BICD1: variants seen among roughly 807,000 people sequenced by gnomAD.
BICD1 encodes the protein BICD cargo adaptor 1, also known as protein bicaudal D homolog 1.
In BICD1, 35 loss-of-function variants were observed where a neutral mutation model predicts 92.5. The ratio of observed to expected loss-of-function variants is 0.38; its 90% confidence interval spans 0.29 to 0.50. The LOEUF is 0.50. Among genes scored for constraint, BICD1 ranks in the 20% least tolerant of loss-of-function variants. The probability of loss-of-function intolerance (pLI) is 0.93; values close to 1 mark genes in which losing one functional copy is unlikely to be tolerated. For synonymous variants in BICD1, 429 were observed against 465.1 expected (o/e 0.92, Z 1.00); for missense variants, 950 against 1,189.8 (o/e 0.80, Z 2.97).
chr12:32,226,612 G>A (rs1434184971), intron 2 of BICD1, among the ~76,000 whole-genome samples: 1 of 152,156 alleles, frequency 6.6e-6, no homozygotes, highest in African/African-American at 2.4e-5. Context: ...CAGGCTGAGT[G>A]GCCAGCAGGC....
At chr12:32,195,014 C>T (rs187644703) in intron 1 of BICD1, among the ~76,000 whole-genome samples, 89 of 146,280 alleles carry the variant, frequency 6.1e-4, no homozygotes, top group African/African-American at 2.1e-3. Context: ...AGAAGGATTG[C>T]GTGATTCCAG....
intron 2 of BICD1, among the ~76,000 whole-genome samples, chr12:32,243,041 G>A (rs1946276854): frequency 1.3e-5 from 2 of 151,808 alleles, no homozygotes. Flanking sequence ...CTGGGTGAGT[G>A]TTAGCTATTG....
rs939377406 is a variant in BICD1 at position 32,378,295 on chromosome 12, C to T, written c.*668C>T. 2.0e-5 allele frequency: 3 copies of T among 152,224 alleles called. No individual in the cohort carries two copies. The highest frequency in any genetic ancestry group is 7.2e-5 in the African/African-American group (3 of 41,454). The allele number at this position is 152,224 out of a possible 1,614,324, so 9.4% of individuals were successfully genotyped here. On this transcript the variant is annotated 3_prime_UTR_variant, in exon 10 of 10. Transcript: ENST00000652176. ...ATTGTTTAGGCACTTACTTTCTAATCAGTAGCTCATTAACTGCTGGGTTTT... is the reference window on the plus strand; with the variant it reads ...ATTGTTTAGGCACTTACTTTCTAATTAGTAGCTCATTAACTGCTGGGTTTT...
At chr12:32,251,642 A>G (rs1946524803) in intron 2 of BICD1, among the ~76,000 whole-genome samples, 1 of 152,176 alleles carries the variant, frequency 6.6e-6, no homozygotes, top group South Asian at 2.1e-4. Context: ...CTGTTCTACT[A>G]TATGGATGCA....
At chr12:32,271,314 CTT>C (rs1949887894) in intron 2 of BICD1, among the ~76,000 whole-genome samples, 2 of 152,116 alleles carry the variant, frequency 1.3e-5, no homozygotes, top group African/African-American at 4.8e-5. Context: ...GCGCTTATCT[CTT>C]TGATTTTGTG....
chr12:32,152,550 T>A (rs1199652841), intron 1 of BICD1, among the ~76,000 whole-genome samples: 3 of 152,184 alleles, frequency 2.0e-5, no homozygotes, highest in African/African-American at 7.2e-5. Context: ...CAAATTTCAA[T>A]TCTAGCTGTC....
intron 1 of BICD1, among the ~76,000 whole-genome samples, chr12:32,129,540 A>AAG (rs1370802418): frequency 6.6e-6 from 1 of 150,896 alleles, no homozygotes; most frequent in African/African-American, 2.4e-5. Context: ...AAAAAAAAAA[A>AAG]AAAAAAATTC....
rs141112981 is a variant in BICD1, at chr12:32,282,653, A to G, written c.427-11341A>G. On this transcript the variant is annotated intron_variant, in intron 2 of 9. Transcript: ENST00000652176. ...CCTTTGGGAAGTGAGGAAACAGCAA[A>G]AGGAGGGGCTTGGTACAGACCTGGA... is the stretch of plus-strand genomic sequence containing the variant. 4.3e-3 allele frequency among the ~76,000 whole-genome samples: 650 copies of G among 152,254 alleles called. 1 individual carries two copies. The highest frequency in any genetic ancestry group is 7.4e-3 in the Non-Finnish European group (502 of 68,010).
chr12:32,316,272 G>A (rs1339262558), intron 4 of BICD1, among the ~76,000 whole-genome samples: 7 of 145,594 alleles, frequency 4.8e-5, no homozygotes, highest in Admixed American at 4.3e-4. Context: ...AATGCATTTT[G>A]GACATGATAT....
Position 32,379,423 on chromosome 12 carries a change from T to G in BICD1, c.*1796T>G, listed in dbSNP as rs1940106188. 1 of 152,208 alleles carries G rather than the reference T, an allele frequency of 6.6e-6. No individual in the cohort carries two copies. The highest frequency in any genetic ancestry group is 6.5e-5 in the Admixed American group (1 of 15,276). 9.4% of individuals were successfully genotyped at this position (152,208 alleles called of 1,614,324 possible). A position where few individuals can be genotyped will look rare whatever the true frequency, so the allele number is the denominator to read the frequency against. The stretch of plus-strand genomic sequence containing the variant: ...TGCAACGTGGAGTAAAGAGTTGAAA[T>G]CTTCACCAAAATAAGGGTTCAGGTT... On this transcript the variant is annotated 3_prime_UTR_variant, in exon 10 of 10. Transcript: ENST00000652176.
intron 1 of BICD1, among the ~76,000 whole-genome samples, chr12:32,171,988 C>CATATATAT (rs144322675): frequency 1.5e-5 from 2 of 132,420 alleles, no homozygotes; most frequent in Non-Finnish European, 3.2e-5. Flanking sequence ...CACACACACA[C>CATATATAT]ACTAAAACTG....
At chr12:32,216,066 C>T (rs1945351525) in intron 1 of BICD1, among the ~76,000 whole-genome samples, 181 bp from the exon 2 acceptor site, 1 of 149,304 alleles carries the variant, frequency 6.7e-6, no homozygotes, top group Non-Finnish European at 1.5e-5. Context: ...TTTATTTTTC[C>T]TTATTAAGCG....
chr12:32,198,521 T>G (rs1218728052), intron 1 of BICD1, among the ~76,000 whole-genome samples: 1 of 141,354 alleles, frequency 7.1e-6, no homozygotes, highest in African/African-American at 2.7e-5. Context: ...TTCTTGCTTG[T>G]TAATCTGCTT....
chr12:32,336,107 C>T (rs1443232954), intron 6 of BICD1, among the ~76,000 whole-genome samples: 3 of 152,180 alleles, frequency 2.0e-5, no homozygotes, highest in African/African-American at 7.2e-5. Context: ...GAGACTCCGT[C>T]TCAAAAATAA....
chr12:32,198,876 C>A (rs926141093), intron 1 of BICD1, among the ~76,000 whole-genome samples: 1 of 152,148 alleles, frequency 6.6e-6, no homozygotes. Context: ...GGGTTCTTAA[C>A]TTTTAATTTT....
At chr12:32,164,789 T>G (rs61926906) in intron 1 of BICD1, among the ~76,000 whole-genome samples, 47,372 of 152,096 alleles carry the variant, frequency 0.31, 7,729 homozygotes, top group Admixed American at 0.37. Flanking sequence ...CCACTAACAC[T>G]CTAGGAAGCA....
At chr12:32,342,128 A>ATATATATGTGTG (rs1555170776) in intron 8 of BICD1, among the ~76,000 whole-genome samples, 23 of 102,750 alleles carry the variant, frequency 2.2e-4, no homozygotes, top group East Asian at 6.8e-4. Context: ...ATATATATGT[A>ATATATATGTGTG]TATATATATG....
At chr12:32,309,421 A>G (rs1948318678) in intron 4 of BICD1, among the ~76,000 whole-genome samples, 1 of 152,186 alleles carries the variant, frequency 6.6e-6, no homozygotes, top group Admixed American at 6.5e-5. Flanking sequence ...TATGCAGCAT[A>G]TACCACATAG....
In BICD1 at chr12:32,230,094, C is replaced by T. The variant is rs371217733; in HGVS notation, c.426+13635C>T. Among the ~76,000 whole-genome samples the T allele has an allele frequency of 3.3e-5, 5 of 151,976 alleles. No individual in the cohort carries two copies. In the East Asian group the frequency reaches 5.8e-4, roughly 18 times the overall value. The stretch of plus-strand genomic sequence containing the variant: ...TCAGTCTGCTTCCATCTCCTCACTG[C>T]GGTGGAAGCAAGGTCAGCAGCTGAG... On this transcript the variant is annotated intron_variant, in intron 2 of 9. Transcript: ENST00000652176.
Sources: allele counts gnomAD v4.1 joint callset (sites outside exome capture counted in the v4.1 genomes callset), GRCh38; gene constraint gnomAD v4.1.1; transcripts MANE v1.5; gene names NCBI Gene and HGNC (gene_info 2026-07-23, HGNC 2026-07-21).